Variants in AGBL1 observed in about 807,000 individuals in gnomAD.
AGBL1 encodes cytosolic carboxypeptidase 4.
A neutral mutation model predicts 118.9 loss-of-function variants in AGBL1; 130 were observed. The ratio of observed to expected loss-of-function variants is 1.09; its 90% CI spans 0.95 to 1.26. The LOEUF (loss-of-function observed/expected upper bound fraction) is 1.26, where lower values mean the gene tolerates loss of function less well. Ranked by LOEUF, AGBL1 falls within the 50% of genes most tolerant of loss-of-function variation. The pLI, the probability that AGBL1 is intolerant of heterozygous loss-of-function variation, is 0.00. For missense variants in AGBL1, 1,584 were observed against 1,298.1 expected, an observed-to-expected ratio of 1.22 and a Z score of -3.38; for synonymous variants, 555 against 478.9, an observed-to-expected ratio of 1.16 and a Z score of -2.08.
chr15:86,187,931 G>C (rs567638614), intron 5 of AGBL1, among the ~76,000 whole-genome samples: 1 of 152,328 alleles, frequency 6.6e-6, no homozygotes, highest in Admixed American at 6.5e-5. Context: ...ATTAAGCAAA[G>C]CATCATCCAC....
chr15:86,687,588 A>T (rs1415954918), intron 22 of AGBL1, among the ~76,000 whole-genome samples: 1 of 152,144 alleles, frequency 6.6e-6, no homozygotes, highest in African/African-American at 2.4e-5. Context: ...TGATTTCAAA[A>T]ATCATGGCCT....
chr15:86,534,046 G>T (rs2083387216), intron 19 of AGBL1, among the ~76,000 whole-genome samples: 1 of 127,978 alleles, frequency 7.8e-6, no homozygotes, highest in Non-Finnish European at 1.6e-5. Flanking sequence ...GCACCAGCAT[G>T]GCACATGTAT....
At chr15:86,633,465 T>A (rs1596323406) in intron 21 of AGBL1, among the ~76,000 whole-genome samples, 2 of 152,306 alleles carry the variant, frequency 1.3e-5, no homozygotes, top group African/African-American at 2.4e-5. Context: ...TTATGTACTT[T>A]GTTTACTGGG....
intron 6 of AGBL1, among the ~76,000 whole-genome samples, chr15:86,235,120 C>T (rs746269828): frequency 7.2e-5 from 11 of 152,276 alleles, no homozygotes; most frequent in African/African-American, 1.4e-4. Context: ...TTCATGAAAA[C>T]GGGCTGTGGG....
At chr15:86,439,679 C>G (rs1018695122) in intron 18 of AGBL1, among the ~76,000 whole-genome samples, 2 of 152,208 alleles carry the variant, frequency 1.3e-5, no homozygotes, top group Non-Finnish European at 2.9e-5. Flanking sequence ...ACTTTTCAAA[C>G]CATGACCAGG....
chr15:86,976,069 G>C (rs1238307219), intron 23 of AGBL1, among the ~76,000 whole-genome samples: 2 of 151,890 alleles, frequency 1.3e-5, no homozygotes, highest in African/African-American at 2.4e-5. Context: ...CATATTCATT[G>C]TAGAAAGTTT....
At chr15:86,986,383 C>T (rs1037332635) in intron 23 of AGBL1, among the ~76,000 whole-genome samples, 21 of 152,154 alleles carry the variant, frequency 1.4e-4, no homozygotes, top group African/African-American at 4.3e-4. Context: ...TTTACACACA[C>T]ATATACACAC....
At chr15:86,204,417 C>A (rs1250489330) in intron 5 of AGBL1, among the ~76,000 whole-genome samples, 1 of 152,092 alleles carries the variant, frequency 6.6e-6, no homozygotes, top group Non-Finnish European at 1.5e-5. Flanking sequence ...ACATGCAGAG[C>A]CCCCTACCTG....
chr15:86,461,564 T>C (rs2082335276), intron 18 of AGBL1, among the ~76,000 whole-genome samples: 2 of 152,176 alleles, frequency 1.3e-5, no homozygotes, highest in South Asian at 4.1e-4. Flanking sequence ...CACAGGAGTA[T>C]CACGGCAATA....
At chr15:86,081,631 C>G (rs1279813121) in intron 1 of AGBL1, among the ~76,000 whole-genome samples, 1 of 152,164 alleles carries the variant, frequency 6.6e-6, no homozygotes, top group African/African-American at 2.4e-5. Context: ...TTATTTGTAT[C>G]TGGCTAGATT....
intron 21 of AGBL1, among the ~76,000 whole-genome samples, chr15:86,642,936 A>G (rs1182127593): frequency 6.6e-6 from 1 of 152,204 alleles, no homozygotes; most frequent in East Asian, 1.9e-4. Flanking sequence ...TTTATGCACT[A>G]ATATACCAGG....
chr15:86,740,701 A>G (rs12908740), intron 22 of AGBL1, among the ~76,000 whole-genome samples: 16,755 of 152,160 alleles, frequency 0.11, 969 homozygotes, highest in East Asian at 0.19. Context: ...CAGATGAATG[A>G]GTGTTGGACA....
At chr15:86,968,068 T>C (rs2081072312) in intron 23 of AGBL1, among the ~76,000 whole-genome samples, 1 of 151,972 alleles carries the variant, frequency 6.6e-6, no homozygotes, top group Non-Finnish European at 1.5e-5. Flanking sequence ...AAATATCAGG[T>C]TCTCTTTTAT....
intron 18 of AGBL1, among the ~76,000 whole-genome samples, chr15:86,427,203 A>G (rs983430038): frequency 5.9e-5 from 9 of 152,242 alleles, no homozygotes; most frequent in African/African-American, 2.2e-4. Flanking sequence ...TTTTATAGGC[A>G]GGAGGGAAAA....
At chr15:86,961,049 T>C (rs1406748110) in intron 23 of AGBL1, among the ~76,000 whole-genome samples, 1 of 152,074 alleles carries the variant, frequency 6.6e-6, no homozygotes, top group Admixed American at 6.6e-5. Flanking sequence ...CTCTATTGTA[T>C]ACTTGAAATT....
intron 22 of AGBL1, among the ~76,000 whole-genome samples, chr15:86,711,067 G>A (rs574750086): frequency 5.1e-4 from 77 of 152,248 alleles, no homozygotes; most frequent in African/African-American, 1.8e-3. Flanking sequence ...GATCACATAG[G>A]ACTCTAGGGA....
chr15:86,925,517 C>T (rs1249643950), intron 23 of AGBL1, among the ~76,000 whole-genome samples: 3 of 152,018 alleles, frequency 2.0e-5, no homozygotes, highest in East Asian at 1.9e-4. Context: ...TCTGTTCCAA[C>T]GTCAGTGCTC....
At chr15:86,305,800 C>T (rs927024095) in intron 17 of AGBL1, among the ~76,000 whole-genome samples, 1 of 152,044 alleles carries the variant, frequency 6.6e-6, no homozygotes, top group African/African-American at 2.4e-5. Flanking sequence ...CTTAAATTGG[C>T]CTTCTTGACA....
At chr15:86,247,910 G>A (rs1370139732) in intron 7 of AGBL1, 31 bp downstream of exon 7, 1 of 1,608,890 alleles carries the variant, frequency 6.2e-7, no homozygotes, top group Non-Finnish European at 8.5e-7. Context: ...CTCTGCAGCT[G>A]GAGGCCAGCT....
Sources: allele counts gnomAD v4.1 joint callset (sites outside exome capture counted in the v4.1 genomes callset), GRCh38; gene constraint gnomAD v4.1.1; transcripts MANE v1.5; gene names NCBI Gene and HGNC (gene_info 2026-07-23, HGNC 2026-07-21).